Variants in XKR4 observed in about 807,000 individuals in gnomAD.
XKR4 encodes XK-related protein 4.
In XKR4, 12 loss-of-function variants were observed where a neutral mutation model predicts 53.9. That is an observed-to-expected ratio of 0.22 (90% CI 0.14 to 0.36). The LOEUF (loss-of-function observed/expected upper bound fraction) is 0.36. Ranked by LOEUF, XKR4 falls within the 10% of genes least tolerant of loss-of-function variation. XKR4 has a pLI of 1.00. For synonymous variants in XKR4, 354 were observed against 362.4 expected (o/e 0.98, Z 0.26); for missense variants, 799 against 859.5 (o/e 0.93, Z 0.88).
At chr8:55,496,953 T>C (rs914885849) in intron 2 of XKR4, among the ~76,000 whole-genome samples, 11 of 152,188 alleles carry the variant, frequency 7.2e-5, no homozygotes, top group African/African-American at 2.4e-4. Context: ...GTCCCTTCAG[T>C]AGTGATCTCC....
intron 1 of XKR4, among the ~76,000 whole-genome samples, chr8:55,269,788 A>G (rs1818661135): frequency 6.6e-6 from 1 of 152,176 alleles, no homozygotes. Flanking sequence ...TGGAACCTGT[A>G]TGTTCTGTCC....
intron 2 of XKR4, among the ~76,000 whole-genome samples, chr8:55,468,779 C>T (rs1258328914): frequency 1.3e-5 from 2 of 152,100 alleles, no homozygotes; most frequent in Non-Finnish European, 2.9e-5. Flanking sequence ...AAATCTAACA[C>T]TCTGATTCGT....
At chr8:55,333,184 T>A (rs1162060440) in intron 1 of XKR4, among the ~76,000 whole-genome samples, 1 of 152,026 alleles carries the variant, frequency 6.6e-6, no homozygotes, top group Non-Finnish European at 1.5e-5. Flanking sequence ...ATATATAAGA[T>A]AGTTATTTTA....
At chr8:55,291,490 A>AAAGAT (rs1406135784) in intron 1 of XKR4, among the ~76,000 whole-genome samples, 23 of 152,160 alleles carry the variant, frequency 1.5e-4, no homozygotes, top group South Asian at 4.1e-4. Flanking sequence ...CTCCCAATCC[A>AAAGAT]CCAATGTGGT....
intron 1 of XKR4, among the ~76,000 whole-genome samples, chr8:55,256,678 C>T (rs547340139): frequency 1.3e-5 from 2 of 152,158 alleles, no homozygotes; most frequent in African/African-American, 2.4e-5. Flanking sequence ...TCTGAGATGC[C>T]TACTAAATGC....
intron 1 of XKR4, among the ~76,000 whole-genome samples, chr8:55,133,045 C>A (rs901430835): frequency 2.0e-5 from 3 of 152,042 alleles, no homozygotes; most frequent in Non-Finnish European, 2.9e-5. Flanking sequence ...GTTTGGACAC[C>A]TTTGCGGGGT....
At chr8:55,424,136 G>C (rs1037848079) in intron 2 of XKR4, among the ~76,000 whole-genome samples, 1 of 152,156 alleles carries the variant, frequency 6.6e-6, no homozygotes, top group Non-Finnish European at 1.5e-5. Flanking sequence ...AGATCACCTC[G>C]GGGCATTGCC....
At chr8:55,518,198 C>A (rs1806743796) in intron 2 of XKR4, among the ~76,000 whole-genome samples, 1 of 152,276 alleles carries the variant, frequency 6.6e-6, no homozygotes, top group East Asian at 1.9e-4. Context: ...TACACCCAGA[C>A]CACAAACAAC....
At chr8:55,492,064 A>C (rs1472682134) in intron 2 of XKR4, among the ~76,000 whole-genome samples, 2 of 152,196 alleles carry the variant, frequency 1.3e-5, no homozygotes, top group African/African-American at 2.4e-5. Flanking sequence ...GTAATGCTCT[A>C]CTTGAATTCC....
chr8:55,111,873 C>T (rs1278541891), intron 1 of XKR4, among the ~76,000 whole-genome samples: 1 of 152,174 alleles, frequency 6.6e-6, no homozygotes, highest in Non-Finnish European at 1.5e-5. Context: ...CTGGGTCACA[C>T]TGTCACTGAT....
rs185961832 is a variant in XKR4, at chr8:55,507,356, T to G, written c.1007-15925T>G. ...TTTTTTTTTATTATTACTGTTGGAT[T>G]TTTTTTTATTATACTTTAAGTTTTA... is the stretch of plus-strand genomic sequence containing the variant. On this transcript the variant is annotated intron_variant, in intron 2 of 2. Coordinates refer to ENST00000327381, the MANE Select transcript of XKR4 (RefSeq NM_052898.2). 2.7e-3 allele frequency among the ~76,000 whole-genome samples: 336 copies of G among 124,008 alleles called. 1 individual carries two copies. The highest frequency in any genetic ancestry group is 5.5e-3 in the Non-Finnish European group (278 of 50,510). 81.4% of individuals were successfully genotyped at this position (124,008 alleles called of 152,430 possible). A position where few individuals can be genotyped will look rare whatever the true frequency, so the allele number is the denominator to read the frequency against.
intron 2 of XKR4, among the ~76,000 whole-genome samples, chr8:55,428,700 A>G (rs1805055270): frequency 6.6e-6 from 1 of 152,196 alleles, no homozygotes; most frequent in South Asian, 2.1e-4. Context: ...GAGCCCCCCT[A>G]CTTCAGTGTA....
intron 2 of XKR4, among the ~76,000 whole-genome samples, chr8:55,466,247 T>C (rs138084736): frequency 1.3e-5 from 2 of 152,084 alleles, no homozygotes; most frequent in Non-Finnish European, 2.9e-5. Flanking sequence ...CAAATGTCCA[T>C]CAATGATAGA....
chr8:55,331,155 A>G (rs775309017), intron 1 of XKR4, among the ~76,000 whole-genome samples: 1 of 152,032 alleles, frequency 6.6e-6, no homozygotes. Context: ...TGTTGTTTCT[A>G]TTTTTATTTG....
At chr8:55,256,117 G>C (rs1818436841) in intron 1 of XKR4, among the ~76,000 whole-genome samples, 1 of 151,906 alleles carries the variant, frequency 6.6e-6, no homozygotes. Flanking sequence ...GCTGAGGAAG[G>C]CAGGGTAAAA....
intron 1 of XKR4, among the ~76,000 whole-genome samples, chr8:55,338,730 A>G (rs1803500357): frequency 1.3e-5 from 2 of 152,202 alleles, no homozygotes; most frequent in South Asian, 4.1e-4. Context: ...AACCGAGAGG[A>G]CACAATCATC....
intron 2 of XKR4, among the ~76,000 whole-genome samples, chr8:55,371,061 G>C (rs1470670666): frequency 6.7e-6 from 1 of 150,142 alleles, no homozygotes; most frequent in Non-Finnish European, 1.5e-5. Context: ...AGGTCCTTTG[G>C]TGACACAGAG....
intron 2 of XKR4, among the ~76,000 whole-genome samples, chr8:55,508,204 C>T (rs1334600377): frequency 6.6e-6 from 1 of 151,994 alleles, no homozygotes; most frequent in Non-Finnish European, 1.5e-5. Context: ...AAGGAATGCA[C>T]GTTGGATTCT....
intron 2 of XKR4, among the ~76,000 whole-genome samples, chr8:55,520,308 C>G (rs1806780089): frequency 6.6e-6 from 1 of 152,158 alleles, no homozygotes; most frequent in Admixed American, 6.5e-5. Context: ...AAGGAAGCCC[C>G]AGCACGGTGG....
Sources: allele counts gnomAD v4.1 joint callset (sites outside exome capture counted in the v4.1 genomes callset), GRCh38; gene constraint gnomAD v4.1.1; transcripts MANE v1.5; gene names NCBI Gene and HGNC (gene_info 2026-07-23, HGNC 2026-07-21).